BTBD9: variants seen among roughly 807,000 people sequenced by gnomAD.
BTBD9 encodes BTB domain containing 9.
BTBD9 carries 49 observed loss-of-function variants against 64.3 expected under a neutral mutation model. That is an observed-to-expected ratio of 0.76 (90% CI 0.61 to 0.97). The LOEUF (loss-of-function observed/expected upper bound fraction) is 0.97. BTBD9 is among the 50% of genes least tolerant of loss of function. The pLI, the probability that BTBD9 is intolerant of heterozygous loss-of-function variation, is 0.00. For synonymous variants in BTBD9, 260 were observed against 274.7 expected (o/e 0.95, Z 0.53); for missense variants, 598 against 762.1 (o/e 0.78, Z 2.53).
At chr6:38,352,369 T>C (rs1764553986) in intron 6 of BTBD9, among the ~76,000 whole-genome samples, 1 of 150,088 alleles carries the variant, frequency 6.7e-6, no homozygotes, top group South Asian at 2.1e-4. Flanking sequence ...AAAGTGAAAC[T>C]CTGTCTGAAA....
intron 6 of BTBD9, among the ~76,000 whole-genome samples, chr6:38,438,674 A>T (rs1406049743): frequency 6.6e-6 from 1 of 152,236 alleles, no homozygotes; most frequent in Non-Finnish European, 1.5e-5. Context: ...AAGTATATTT[A>T]TTGAGCATTT....
At chr6:38,495,900 A>G (rs1481848535) in intron 6 of BTBD9, among the ~76,000 whole-genome samples, 1 of 152,178 alleles carries the variant, frequency 6.6e-6, no homozygotes, top group Non-Finnish European at 1.5e-5. Flanking sequence ...CTCTTTCTTC[A>G]TGTTTAAGTA....
At chr6:38,604,329 T>C (rs1777353572) in intron 1 of BTBD9, among the ~76,000 whole-genome samples, 2 of 152,236 alleles carry the variant, frequency 1.3e-5, no homozygotes, top group African/African-American at 2.4e-5. Context: ...TAAAGAATAG[T>C]ATCATAAAAA....
At chr6:38,500,829 C>G (rs558552212) in intron 6 of BTBD9, among the ~76,000 whole-genome samples, 1 of 152,292 alleles carries the variant, frequency 6.6e-6, no homozygotes, top group African/African-American at 2.4e-5. Flanking sequence ...GTGACAAGAA[C>G]AGATGAGTGA....
At chr6:38,464,174 C>G (rs1770234923) in intron 6 of BTBD9, among the ~76,000 whole-genome samples, 1 of 152,096 alleles carries the variant, frequency 6.6e-6, no homozygotes, top group Non-Finnish European at 1.5e-5. Flanking sequence ...ATTTGCAAGC[C>G]AAGGAGAGAG....
At chr6:38,486,036 G>C (rs1370293106) in intron 6 of BTBD9, among the ~76,000 whole-genome samples, 2 of 152,156 alleles carry the variant, frequency 1.3e-5, no homozygotes, top group Admixed American at 1.3e-4. Context: ...TTATGTTATG[G>C]AGATGGCTTC....
At chr6:38,525,510 C>T (rs1192027613) in intron 6 of BTBD9, among the ~76,000 whole-genome samples, 1 of 152,196 alleles carries the variant, frequency 6.6e-6, no homozygotes, top group Non-Finnish European at 1.5e-5. Flanking sequence ...AACTGGGTAA[C>T]AGGCAGAGAC....
chr6:38,193,815 T>C, intron 9 of BTBD9: 1 of 985,308 alleles, frequency 1.0e-6, no homozygotes, highest in Non-Finnish European at 1.2e-6. Flanking sequence ...TTGCAGTTTG[T>C]TTTTCCCCCT....
chr6:38,604,430 A>G (rs1447251985), intron 1 of BTBD9, among the ~76,000 whole-genome samples: 1 of 152,240 alleles, frequency 6.6e-6, no homozygotes, highest in Non-Finnish European at 1.5e-5. Flanking sequence ...TGAACAAACT[A>G]GTTTCTGAAT....
intron 7 of BTBD9, among the ~76,000 whole-genome samples, chr6:38,308,895 T>G (rs376999542): frequency 8.3e-4 from 124 of 149,386 alleles, no homozygotes; most frequent in African/African-American, 2.9e-3. Flanking sequence ...AGTGCTGGGA[T>G]TACAGGCCTG....
chr6:38,507,152 G>C (rs939024825), intron 6 of BTBD9, among the ~76,000 whole-genome samples: 13 of 152,150 alleles, frequency 8.5e-5, no homozygotes, highest in Non-Finnish European at 1.3e-4. Context: ...CTTAAGTAGG[G>C]CCTCACTGTT....
At chr6:38,491,090 T>A (rs1404273425) in intron 6 of BTBD9, among the ~76,000 whole-genome samples, 2 of 152,044 alleles carry the variant, frequency 1.3e-5, no homozygotes, top group African/African-American at 2.4e-5. Context: ...TTGAGAGAGA[T>A]CTCTTTGAGG....
At chr6:38,632,119 A>C (rs1489522290) in intron 1 of BTBD9, among the ~76,000 whole-genome samples, 1 of 151,970 alleles carries the variant, frequency 6.6e-6, no homozygotes, top group East Asian at 1.9e-4. Flanking sequence ...CAAGAGCAAA[A>C]CTCCATCTCA....
At chr6:38,555,815 A>G (rs1444528052) in intron 6 of BTBD9, among the ~76,000 whole-genome samples, 1 of 152,118 alleles carries the variant, frequency 6.6e-6, no homozygotes, top group Non-Finnish European at 1.5e-5. Flanking sequence ...CAGCTTTTCA[A>G]CCTCACTTTT....
chr6:38,219,808 C>A (rs1763138126), intron 9 of BTBD9, among the ~76,000 whole-genome samples: 1 of 152,178 alleles, frequency 6.6e-6, no homozygotes, highest in African/African-American at 2.4e-5. Context: ...AATACATATA[C>A]AATTATAAAT....
At chr6:38,379,271 T>C (rs1765827462) in intron 6 of BTBD9, among the ~76,000 whole-genome samples, 1 of 152,112 alleles carries the variant, frequency 6.6e-6, no homozygotes. Context: ...AAGAAATCTA[T>C]CTTGCAAAAG....
chr6:38,265,904 TA>T (rs1471445262), intron 8 of BTBD9, among the ~76,000 whole-genome samples: 2 of 152,220 alleles, frequency 1.3e-5, no homozygotes, highest in Non-Finnish European at 2.9e-5. Flanking sequence ...TTTTAGGTGA[TA>T]ACATAAAAGC....
At chr6:38,617,750 C>T (rs532076143) in intron 1 of BTBD9, among the ~76,000 whole-genome samples, 1 of 152,302 alleles carries the variant, frequency 6.6e-6, no homozygotes, top group Non-Finnish European at 1.5e-5. Flanking sequence ...AATCCCTTCC[C>T]TCCCTCAGTG....
intron 9 of BTBD9, among the ~76,000 whole-genome samples, chr6:38,210,342 C>T (rs569764507): frequency 1.2e-4 from 18 of 152,224 alleles, no homozygotes; most frequent in Non-Finnish European, 1.8e-4. Flanking sequence ...TTAGAACTTC[C>T]TGCAACAAAA....
Sources: gnomAD v4.1 joint callset for allele counts (sites outside exome capture counted in the v4.1 genomes callset) on GRCh38, gnomAD v4.1.1 for gene constraint, MANE v1.5 for transcripts, NCBI Gene and HGNC (gene_info 2026-07-23, HGNC 2026-07-21) for gene names.